The following CSMD3 variants were observed in gnomAD, a reference collection of about 807,000 sequenced individuals.
CSMD3 encodes the protein CUB and Sushi multiple domains 3, also known as CUB and sushi domain-containing protein 3.
Under a neutral mutation model 435.2 loss-of-function variants are expected in CSMD3, and 177 were observed. That is an observed-to-expected ratio of 0.41 (90% CI 0.36 to 0.46). The LOEUF (loss-of-function observed/expected upper bound fraction) is 0.46. CSMD3 is among the 20% of genes least tolerant of loss of function. The probability of loss-of-function intolerance (pLI) is 0.34; values close to 1 mark genes in which losing one functional copy is unlikely to be tolerated. For missense variants in CSMD3, 4,265 were observed against 4,504.6 expected (o/e 0.95, Z 1.52); for synonymous variants, 1,656 against 1,520.5 (o/e 1.09, Z -2.07).
chr8:112,910,271 A>T lies in CSMD3; in HGVS notation c.1633+11356T>A, dbSNP rs551038850. Among the ~76,000 whole-genome samples the T allele has an allele frequency of 5.3e-5, 8 of 151,768 alleles. 1 individual carries two copies. The South Asian group carries it at 1.2e-3, about 24-fold the overall frequency. On this transcript the variant is annotated intron_variant, in intron 10 of 70. Coordinates refer to ENST00000297405, the MANE Select transcript of CSMD3 (RefSeq NM_198123.2). ...AGCTAAATGAAACCCTCAGGATAAGATCCTGTTTCTCAGTGGCTGCTTGGT... is the reference window on the plus strand; with the variant it reads ...AGCTAAATGAAACCCTCAGGATAAGTTCCTGTTTCTCAGTGGCTGCTTGGT...
intron 45 of CSMD3, among the ~76,000 whole-genome samples, chr8:112,330,630 G>A (rs1823953445): frequency 6.6e-6 from 1 of 152,040 alleles, no homozygotes; most frequent in African/African-American, 2.4e-5. Context: ...AATCTATAAT[G>A]TACTGTCACT....
At chr8:112,228,181 T>C (rs1249795217) in intron 70 of CSMD3, among the ~76,000 whole-genome samples, 1 of 152,208 alleles carries the variant, frequency 6.6e-6, no homozygotes, top group African/African-American at 2.4e-5. Flanking sequence ...CCAGGATTTG[T>C]AATGGACTGA....
intron 20 of CSMD3, among the ~76,000 whole-genome samples, chr8:112,643,298 A>G (rs538749102): frequency 9.2e-5 from 14 of 152,290 alleles, no homozygotes; most frequent in African/African-American, 3.1e-4. Flanking sequence ...AATACCCATA[A>G]CAGGCCAGTT....
chr8:112,602,045 T>C (rs1229601536), intron 22 of CSMD3, among the ~76,000 whole-genome samples: 1 of 152,122 alleles, frequency 6.6e-6, no homozygotes, highest in East Asian at 1.9e-4. Context: ...CATTTTCTTC[T>C]ATTACTTTAG....
At chr8:112,663,829 AT>A (rs2075449920) in intron 17 of CSMD3, among the ~76,000 whole-genome samples, 1 of 152,166 alleles carries the variant, frequency 6.6e-6, no homozygotes. Context: ...AAAGAAAGTG[AT>A]GCAAATGAAT....
intron 10 of CSMD3, among the ~76,000 whole-genome samples, chr8:112,902,000 G>T (rs914337851): frequency 6.6e-6 from 1 of 151,274 alleles, no homozygotes; most frequent in Non-Finnish European, 1.5e-5. Context: ...TTACATGCTT[G>T]TATTGTGAAT....
chr8:113,120,893 T>C (rs1481793288), intron 4 of CSMD3, among the ~76,000 whole-genome samples: 1 of 152,126 alleles, frequency 6.6e-6, no homozygotes, highest in Non-Finnish European at 1.5e-5. Flanking sequence ...TGTATAGTAA[T>C]ATAAGAGGTG....
intron 3 of CSMD3, among the ~76,000 whole-genome samples, chr8:113,253,790 G>A (rs1200167818): frequency 1.3e-5 from 2 of 150,792 alleles, no homozygotes; most frequent in African/African-American, 2.4e-5. Context: ...AGTGACCCGA[G>A]ATCGTGCCAC....
chr8:112,642,398 T>C (rs2074857119), intron 20 of CSMD3, among the ~76,000 whole-genome samples: 1 of 152,200 alleles, frequency 6.6e-6, no homozygotes, highest in South Asian at 2.1e-4. Flanking sequence ...GTAGGCTGAA[T>C]GACACTGTCG....
intron 10 of CSMD3, among the ~76,000 whole-genome samples, chr8:112,920,811 A>T (rs2130619501): frequency 6.6e-6 from 1 of 151,774 alleles, no homozygotes; most frequent in East Asian, 1.9e-4. Flanking sequence ...TTATTTTCTA[A>T]GTAGCTGTAC....
chr8:113,208,550 A>T (rs1254841959), intron 3 of CSMD3, among the ~76,000 whole-genome samples: 1 of 152,186 alleles, frequency 6.6e-6, no homozygotes, highest in Non-Finnish European at 1.5e-5. Context: ...TTTTCTGTCC[A>T]CAATATAATA....
At chr8:113,160,301 C>A (rs2092014576) in intron 4 of CSMD3, among the ~76,000 whole-genome samples, 1 of 151,690 alleles carries the variant, frequency 6.6e-6, no homozygotes, top group African/African-American at 2.4e-5. Flanking sequence ...CTCAGCAGTT[C>A]TTTAAAATTA....
In CSMD3 at chr8:112,244,557, C is replaced by A. The variant is rs768877822; in HGVS notation, c.10239G>T (p.Gln3413His). The A allele has an allele frequency of 1.2e-6, 2 of 1,613,638 alleles. No individual in the cohort carries two copies. The highest frequency in any genetic ancestry group is 2.2e-5 in the South Asian group (2 of 91,082). Residue 3413 changes from glutamine (Q) to histidine (H), a missense_variant, in exon 65 of 71, where the codon CAG becomes CAT. Around this residue, in one of 3 missense-constraint regions of CSMD3, gnomAD observed 3,255 missense variants for 3,380.2 expected, o/e 0.96. Transcript: ENST00000297405. Reference protein sequence around the residue: ...QPECIPHSCKQPETPAHANVV... With the variant: ...QPECIPHSCKHPETPAHANVV... The stretch of plus-strand genomic sequence containing the variant: ...CATTTGCATGAGCAGGAGTTTCTGG[C>A]TGTTTACAGCTGTGGGCTATATTAA...
In CSMD3 at chr8:112,391,908, A is replaced by G. The variant is rs538406109; in HGVS notation, c.5810-1120T>C. 4.5e-4 allele frequency among the ~76,000 whole-genome samples: 69 copies of G among 152,298 alleles called. 1 individual carries two copies. Among genetic ancestry groups the G allele is most frequent in the African/African-American group, 1.6e-3 (67 of 41,566 alleles). ...AGTCTGAAAGTAAAATTCTCATGCC[A>G]TTAATAGAATCACCTTGATTCTGGC... On this transcript the variant is annotated intron_variant, in intron 35 of 70. Coordinates refer to ENST00000297405, the MANE Select transcript of CSMD3 (RefSeq NM_198123.2).
intron 3 of CSMD3, among the ~76,000 whole-genome samples, chr8:113,266,592 G>A (rs1194677107): frequency 2.0e-5 from 3 of 151,646 alleles, no homozygotes; most frequent in African/African-American, 7.2e-5. Flanking sequence ...TTTGTAGGGT[G>A]AGATAATCCA....
rs536461840 is a variant in CSMD3, at chr8:112,425,804, G to A, written c.5396-16772C>T. Among the ~76,000 whole-genome samples the A allele has an allele frequency of 2.6e-5, 4 of 152,008 alleles. No homozygotes were observed. In the South Asian group the frequency reaches 8.3e-4, roughly 32 times the overall value. On this transcript the variant is annotated intron_variant, in intron 32 of 70. Coordinates refer to ENST00000297405, the MANE Select transcript of CSMD3 (RefSeq NM_198123.2). ...TGAAAATTTTCTATTATTAAACTCT[G>A]TGTGTGTGTTAAAATAGTAGTAAAA...
intron 4 of CSMD3, among the ~76,000 whole-genome samples, chr8:113,170,281 T>C (rs1204399888): frequency 1.1e-5 from 1 of 90,056 alleles, no homozygotes; most frequent in East Asian, 7.9e-4. Flanking sequence ...ACTCCATTCT[T>C]TAAGTTTTAA....
chr8:113,173,619 G>T, intron 4 of CSMD3, 103 bp downstream of exon 4: 2 of 944,976 alleles, frequency 2.1e-6, no homozygotes, highest in Non-Finnish European at 3.4e-6. Context: ...ACCATGCCTG[G>T]CCTCTCTATC....
chr8:112,635,863 G>A (rs2074641768), intron 22 of CSMD3, among the ~76,000 whole-genome samples: 1 of 151,874 alleles, frequency 6.6e-6, no homozygotes, highest in Non-Finnish European at 1.5e-5. Context: ...TAAAGAGCAG[G>A]GGCTTAAACC....
Sources: allele counts gnomAD v4.1 joint callset (sites outside exome capture counted in the v4.1 genomes callset), GRCh38; gene constraint gnomAD v4.1.1; regional missense constraint gnomAD v4.1.1; transcripts MANE v1.5; gene names NCBI Gene and HGNC (gene_info 2026-07-23, HGNC 2026-07-21).